PLEKHA7: variants seen among roughly 807,000 people sequenced by gnomAD.
PLEKHA7 encodes pleckstrin homology domain containing A7, also known as pleckstrin homology domain-containing family A member 7.
Under a neutral mutation model 170.0 loss-of-function variants are expected in PLEKHA7, and 104 were observed. That is an observed-to-expected ratio of 0.61 (90% CI 0.52 to 0.72). PLEKHA7 has a LOEUF of 0.72. Ranked by LOEUF, PLEKHA7 falls within the 30% of genes least tolerant of loss-of-function variation. The pLI is 0.00. For synonymous variants in PLEKHA7, 648 were observed against 660.8 expected (o/e 0.98, Z 0.30); for missense variants, 1,615 against 1,671.7 (o/e 0.97, Z 0.59).
rs1853053846 is a variant in PLEKHA7, at chr11:16,852,459, C to T, written c.523-104G>A. Reference sequence around the variant, plus strand: ...AGAACCAAATATTTGCCCATATTCACTCTTTGTTTTAATAAATTACCATTT... The same window carrying T: ...AGAACCAAATATTTGCCCATATTCATTCTTTGTTTTAATAAATTACCATTT... On this transcript the variant is annotated intron_variant, in intron 6 of 26. Coordinates refer to ENST00000531066, the MANE Select transcript of PLEKHA7 (RefSeq NM_001329630.2). 10 of 886,254 alleles carry T rather than the reference C, an allele frequency of 1.1e-5. 1 individual carries two copies. The South Asian group carries it at 2.0e-4, about 18-fold the overall frequency. 54.9% of individuals were successfully genotyped at this position (886,254 alleles called of 1,614,324 possible).
chr11:16,858,360 C>T (rs925809514), intron 4 of PLEKHA7, among the ~76,000 whole-genome samples: 4 of 152,208 alleles, frequency 2.6e-5, no homozygotes, highest in Non-Finnish European at 4.4e-5. Context: ...AACTGCATCA[C>T]GTTCCATCAA....
At chr11:16,790,958 C>T (rs375265026) in intron 20 of PLEKHA7, 43 bp from the exon 21 acceptor site, 7 of 1,613,572 alleles carry the variant, frequency 4.3e-6, no homozygotes, top group Non-Finnish European at 5.9e-6. Context: ...CAGTGTCACA[C>T]CCCTTTACCT....
chr11:16,952,953 G>C (rs1381735025), intron 3 of PLEKHA7, among the ~76,000 whole-genome samples: 1 of 152,180 alleles, frequency 6.6e-6, no homozygotes, highest in Non-Finnish European at 1.5e-5. Flanking sequence ...TTTCACAATG[G>C]CATCTACATA....
At chr11:16,805,002 G>A (rs1268036670) in intron 13 of PLEKHA7, among the ~76,000 whole-genome samples, 2 of 152,218 alleles carry the variant, frequency 1.3e-5, no homozygotes, top group Non-Finnish European at 2.9e-5. Flanking sequence ...GGGGAACCCA[G>A]GAGAAAAAGC....
chr11:16,879,222 T>C (rs1855531949), intron 3 of PLEKHA7, among the ~76,000 whole-genome samples: 1 of 152,220 alleles, frequency 6.6e-6, no homozygotes, highest in Admixed American at 6.5e-5. Flanking sequence ...TTCTCCTCCC[T>C]GTCCCCTCCC....
At chr11:16,786,106 A>G in intron 24 of PLEKHA7, 123 bp downstream of exon 24, 2 of 1,170,282 alleles carry the variant, frequency 1.7e-6, no homozygotes, top group South Asian at 1.5e-5. Context: ...CCATCCTCCT[A>G]GGCCACACTG....
chr11:16,795,230 G>C, intron 17 of PLEKHA7: 1 of 547,606 alleles, frequency 1.8e-6, no homozygotes, highest in Non-Finnish European at 3.3e-6. Flanking sequence ...TTTCAGAGTA[G>C]CTTTCAGCAG....
At chr11:16,874,331 A>G (rs1197774951) in intron 3 of PLEKHA7, among the ~76,000 whole-genome samples, 3 of 152,052 alleles carry the variant, frequency 2.0e-5, no homozygotes, top group African/African-American at 7.2e-5. Context: ...ACATGGTGAA[A>G]CTTTGTCTCT....
intron 3 of PLEKHA7, 136 bp downstream of exon 3, chr11:17,013,853 G>T: frequency 9.3e-7 from 1 of 1,073,348 alleles, no homozygotes; most frequent in Non-Finnish European, 1.2e-6. Context: ...ACAAAACGTT[G>T]AGTGTGGCCG....
intron 10 of PLEKHA7, among the ~76,000 whole-genome samples, chr11:16,818,671 G>T (rs181116462): frequency 6.6e-6 from 1 of 152,186 alleles, no homozygotes; most frequent in African/African-American, 2.4e-5. Flanking sequence ...GTTTCACACC[G>T]TGGTATTGTC....
chr11:16,815,612 C>T (rs980744567), intron 12 of PLEKHA7, among the ~76,000 whole-genome samples: 1 of 152,150 alleles, frequency 6.6e-6, no homozygotes, highest in African/African-American at 2.4e-5. Flanking sequence ...GCAAACTCCA[C>T]CTCCTGAGTT....
At chr11:16,818,622 C>G (rs753715099) in intron 10 of PLEKHA7, among the ~76,000 whole-genome samples, 7 of 152,156 alleles carry the variant, frequency 4.6e-5, no homozygotes, top group Non-Finnish European at 8.8e-5. Flanking sequence ...ACATGTTTTC[C>G]CAGGCCAAGG....
intron 3 of PLEKHA7, chr11:17,013,104 G>A (rs957915674): frequency 2.0e-5 from 3 of 152,410 alleles, no homozygotes; most frequent in African/African-American, 7.2e-5. Context: ...GTCCGGCACT[G>A]GGGCAAGGGG....
chr11:16,869,756 C>G (rs1854678555), intron 4 of PLEKHA7, among the ~76,000 whole-genome samples: 1 of 152,044 alleles, frequency 6.6e-6, no homozygotes, highest in Non-Finnish European at 1.5e-5. Flanking sequence ...TACCGTATCT[C>G]TTTTTGTATA....
chr11:16,794,679 C>T lies in PLEKHA7; in HGVS notation c.2554G>A (p.Val852Met). Reference sequence around the variant, plus strand: ...CTCTCAGAAGTTGAGAGTGAAGGCACAGGCGGGTGAGGAAACAAAGGCACC... The same window carrying T: ...CTCTCAGAAGTTGAGAGTGAAGGCATAGGCGGGTGAGGAAACAAAGGCACC... ...KTVPLFPHPP[V>M]PSLSTSESKP... The change falls in exon 19 of 27, where the codon GTG becomes ATG. Residue 852 changes from valine to methionine, a missense_variant. Transcript: ENST00000531066. The T allele has an allele frequency of 6.2e-7, 1 of 1,613,964 alleles. No individual in the cohort carries two copies. The highest frequency in any genetic ancestry group is 8.5e-7 in the Non-Finnish European group (1 of 1,179,962).
chr11:16,786,508 G>A, intron 23 of PLEKHA7, 121 bp from the exon 24 acceptor site: 1 of 1,484,986 alleles, frequency 6.7e-7, no homozygotes. Context: ...GGGAAAAGCT[G>A]TATGTGCAAT....
At position 16,783,936 on chromosome 11, in the gene PLEKHA7, GTC is replaced by G. The variant is rs1234135552; in HGVS notation, c.3517-105_3517-104del. ...CCTCCCACCATGGGAAGCAAGCAGA[GTC>G]CACAGAGACTAAGTAACTTGCTAAG... On this transcript the variant is annotated intron_variant, in intron 24 of 26. Coordinates refer to ENST00000531066, the MANE Select transcript of PLEKHA7 (RefSeq NM_001329630.2). The G allele has an allele frequency of 3.4e-6, 4 of 1,192,370 alleles. No homozygotes were observed. In the African/African-American group the frequency reaches 6.3e-5, roughly 19 times the overall value. The allele number at this position is 1,192,370 out of a possible 1,614,324, so 73.9% of individuals were successfully genotyped here. A position where few individuals can be genotyped will look rare whatever the true frequency, so the allele number is the denominator to read the frequency against.
At chr11:16,800,917 C>CA (rs1196957721) in intron 17 of PLEKHA7, 57 bp downstream of exon 17, 44 of 1,483,730 alleles carry the variant, frequency 3.0e-5, no homozygotes, top group Middle Eastern at 1.7e-4. Flanking sequence ...CTTGGAAAAA[C>CA]AAAAAACAAA....
At chr11:16,917,476 G>A (rs1440741697) in intron 3 of PLEKHA7, among the ~76,000 whole-genome samples, 1 of 152,126 alleles carries the variant, frequency 6.6e-6, no homozygotes, top group African/African-American at 2.4e-5. Flanking sequence ...GCAGAGCCGT[G>A]CTCCTCAGGA....
Sources: allele counts gnomAD v4.1 joint callset (sites outside exome capture counted in the v4.1 genomes callset), GRCh38; gene constraint gnomAD v4.1.1; transcripts MANE v1.5; gene names NCBI Gene and HGNC (gene_info 2026-07-23, HGNC 2026-07-21).